Variants in CACNA2D3 observed in about 807,000 individuals in gnomAD.
The protein encoded by CACNA2D3 is calcium voltage-gated channel auxiliary subunit alpha2delta 3.
In CACNA2D3, 60 loss-of-function variants were observed where a neutral mutation model predicts 160.6. The observed-to-expected ratio is 0.37, with a 90% CI of 0.30 to 0.46. CACNA2D3 has a LOEUF of 0.46. CACNA2D3 is among the 20% of genes least tolerant of loss of function. The probability of loss-of-function intolerance (pLI) is 1.00; values close to 1 mark genes in which losing one functional copy is unlikely to be tolerated. For missense variants in CACNA2D3, 1,205 were observed against 1,365.0 expected, an observed-to-expected ratio of 0.88 and a Z score of 1.85; for synonymous variants, 558 against 492.9, an observed-to-expected ratio of 1.13 and a Z score of -1.75.
rs181728749 is a variant in CACNA2D3 at position 54,223,963 on chromosome 3, A to T, written c.205-96479A>T. On this transcript the variant is annotated intron_variant, in intron 2 of 37. Coordinates refer to ENST00000474759, the MANE Select transcript of CACNA2D3 (RefSeq NM_018398.3). ...TTTGAAGCTTTTTGACTCTAATAAC[A>T]GCTTAAAACACAAACCTATTGTACA... 1.4e-3 allele frequency among the ~76,000 whole-genome samples: 212 copies of T among 152,270 alleles called. 1 individual carries two copies. Among genetic ancestry groups the T allele is most frequent in the African/African-American group, 4.6e-3 (193 of 41,556 alleles).
intron 27 of CACNA2D3, among the ~76,000 whole-genome samples, chr3:54,956,522 G>A (rs144589075): frequency 0.018 from 2,798 of 152,142 alleles, 76 homozygotes; most frequent in African/African-American, 0.064. Flanking sequence ...TTTCAAACTC[G>A]TTACCAACCT....
intron 11 of CACNA2D3, among the ~76,000 whole-genome samples, chr3:54,717,049 A>C (rs1407545415): frequency 6.6e-6 from 1 of 151,840 alleles, no homozygotes; most frequent in Non-Finnish European, 1.5e-5. Flanking sequence ...TCTGACTTCT[A>C]TCTCCATGGG....
chr3:54,719,126 C>T (rs1372002857), intron 11 of CACNA2D3, among the ~76,000 whole-genome samples: 2 of 144,950 alleles, frequency 1.4e-5, no homozygotes, highest in African/African-American at 2.5e-5. Flanking sequence ...ATCTATATAC[C>T]TTTTATTTCT....
At chr3:54,447,147 T>G (rs1700235634) in intron 4 of CACNA2D3, among the ~76,000 whole-genome samples, 1 of 152,200 alleles carries the variant, frequency 6.6e-6, no homozygotes, top group Non-Finnish European at 1.5e-5. Flanking sequence ...TCTGTTTCAA[T>G]TCAAAATAGA....
intron 2 of CACNA2D3, among the ~76,000 whole-genome samples, chr3:54,259,743 A>C (rs141708519): frequency 6.6e-6 from 1 of 152,240 alleles, no homozygotes; most frequent in Non-Finnish European, 1.5e-5. Flanking sequence ...TGAAGGAAAC[A>C]TACAAAATTA....
intron 4 of CACNA2D3, among the ~76,000 whole-genome samples, chr3:54,465,675 A>G (rs1372131946): frequency 6.6e-6 from 1 of 152,250 alleles, no homozygotes; most frequent in Non-Finnish European, 1.5e-5. Flanking sequence ...GGTTGGTGCA[A>G]AAGTAATTGG....
At chr3:54,379,483 G>A (rs1699064414) in intron 3 of CACNA2D3, among the ~76,000 whole-genome samples, 1 of 152,222 alleles carries the variant, frequency 6.6e-6, no homozygotes, top group Non-Finnish European at 1.5e-5. Context: ...GACTCTAACT[G>A]CAGTTGCAGC....
chr3:54,472,005 C>G (rs1700741449), intron 4 of CACNA2D3, among the ~76,000 whole-genome samples: 1 of 152,100 alleles, frequency 6.6e-6, no homozygotes, highest in Non-Finnish European at 1.5e-5. Context: ...TGAAATAACT[C>G]CAAATGATAG....
At chr3:54,708,798 A>T (rs1700900533) in intron 11 of CACNA2D3, among the ~76,000 whole-genome samples, 1 of 152,162 alleles carries the variant, frequency 6.6e-6, no homozygotes, top group South Asian at 2.1e-4. Context: ...TCTTTTAGGC[A>T]TTCATTTATT....
At chr3:54,332,377 G>C (rs570631024) in intron 3 of CACNA2D3, among the ~76,000 whole-genome samples, 23 of 152,284 alleles carry the variant, frequency 1.5e-4, no homozygotes, top group African/African-American at 5.5e-4. Flanking sequence ...TTAAAAAGCA[G>C]TTATCTAATT....
At chr3:54,483,921 A>T (rs140187719) in intron 4 of CACNA2D3, among the ~76,000 whole-genome samples, 54 of 152,328 alleles carry the variant, frequency 3.5e-4, no homozygotes, top group Admixed American at 7.2e-4. Flanking sequence ...GATATTGTTA[A>T]ATTGAAGTTC....
At chr3:54,953,646 C>T (rs932396271) in intron 27 of CACNA2D3, among the ~76,000 whole-genome samples, 1 of 152,184 alleles carries the variant, frequency 6.6e-6, no homozygotes, top group East Asian at 1.9e-4. Flanking sequence ...GCTAAAAGGT[C>T]CAGTTCCCCA....
intron 2 of CACNA2D3, among the ~76,000 whole-genome samples, chr3:54,285,298 G>A (rs748724894): frequency 1.1e-4 from 16 of 152,308 alleles, no homozygotes; most frequent in Non-Finnish European, 1.8e-4. Flanking sequence ...CACCTGGCTC[G>A]GAGGGTCCTA....
intron 4 of CACNA2D3, among the ~76,000 whole-genome samples, chr3:54,399,915 A>G (rs1699417433): frequency 8.2e-6 from 1 of 121,250 alleles, no homozygotes; most frequent in Non-Finnish European, 1.7e-5. Context: ...GCCGCCTTGC[A>G]GTTTGATCTC....
chr3:54,510,492 C>G (rs1210201068), intron 5 of CACNA2D3, among the ~76,000 whole-genome samples: 1 of 152,144 alleles, frequency 6.6e-6, no homozygotes, highest in Non-Finnish European at 1.5e-5. Flanking sequence ...GTGATTCTTT[C>G]CCAAAATCCA....
chr3:54,193,442 G>A (rs78697273), intron 2 of CACNA2D3, among the ~76,000 whole-genome samples: 7,973 of 152,308 alleles, frequency 0.052, 207 homozygotes, highest in Admixed American at 0.091. Context: ...CTCTGACAGT[G>A]GCATTGGATA....
chr3:54,813,364 T>C (rs1052864859), intron 13 of CACNA2D3, among the ~76,000 whole-genome samples: 6 of 152,168 alleles, frequency 3.9e-5, no homozygotes, highest in Non-Finnish European at 7.3e-5. Context: ...TGTGACCTCA[T>C]CTGGAGCCTC....
intron 11 of CACNA2D3, among the ~76,000 whole-genome samples, chr3:54,671,889 C>T (rs577616951): frequency 6.6e-6 from 1 of 152,260 alleles, no homozygotes; most frequent in East Asian, 1.9e-4. Context: ...CCCCATCTGC[C>T]CCTGCATAAT....
intron 2 of CACNA2D3, among the ~76,000 whole-genome samples, chr3:54,154,567 A>G (rs1284557270): frequency 6.6e-6 from 1 of 151,596 alleles, no homozygotes; most frequent in Non-Finnish European, 1.5e-5. Flanking sequence ...AATTATAGCC[A>G]TAATATGCCA....
Sources: allele counts gnomAD v4.1 joint callset (sites outside exome capture counted in the v4.1 genomes callset), GRCh38; gene constraint gnomAD v4.1.1; transcripts MANE v1.5; gene names NCBI Gene and HGNC (gene_info 2026-07-23, HGNC 2026-07-21).